Variants in SAMD3 observed in about 807,000 individuals in gnomAD.
SAMD3 encodes the protein sterile alpha motif domain containing 3.
Under a neutral mutation model 58.5 loss-of-function variants are expected in SAMD3, and 63 were observed. The observed-to-expected ratio is 1.08, with a 90% CI of 0.88 to 1.33. The LOEUF (loss-of-function observed/expected upper bound fraction) is 1.33. Ranked by LOEUF, SAMD3 falls within the 40% of genes most tolerant of loss-of-function variation. SAMD3 has a pLI of 0.00. For missense variants in SAMD3, 604 were observed against 608.4 expected (o/e 0.99, Z 0.08); for synonymous variants, 220 against 210.3 (o/e 1.05, Z -0.40).
At chr6:130,185,570 G>A (rs1250499692) in intron 5 of SAMD3, among the ~76,000 whole-genome samples, 1 of 150,592 alleles carries the variant, frequency 6.6e-6, no homozygotes, top group African/African-American at 2.4e-5. Flanking sequence ...CTCGTGATCT[G>A]CCCACCTTGG....
rs535023326 is a variant in SAMD3 at position 130,310,932 on chromosome 6, C to A, written c.-188+2046G>T. ...TTTTCAATGATTAAAACTGAAATCA[C>A]AGCTAATATTCTTTTTCGGGGGATT... On this transcript the variant is annotated intron_variant, in intron 2 of 13. Coordinates refer to the SAMD3 transcript ENST00000368134. 3.9e-5 allele frequency among the ~76,000 whole-genome samples: 6 copies of A among 152,246 alleles called. 1 individual carries two copies. The South Asian group carries it at 1.2e-3, about 32-fold the overall frequency.
chr6:130,160,678 T>C (rs1464869800), intron 8 of SAMD3: 1 of 152,100 alleles, frequency 6.6e-6, no homozygotes, highest in African/African-American at 2.4e-5. Flanking sequence ...GAAGAATAGC[T>C]AGGAAACTTG....
intron 5 of SAMD3, among the ~76,000 whole-genome samples, chr6:130,185,894 G>C (rs141619878): frequency 6.6e-6 from 1 of 152,186 alleles, no homozygotes; most frequent in African/African-American, 2.4e-5. Context: ...GCTTCCCAAA[G>C]TGTCGGGATT....
intron 1 of SAMD3, among the ~76,000 whole-genome samples, chr6:130,346,418 G>A (rs1777453951): frequency 6.6e-6 from 1 of 152,240 alleles, no homozygotes; most frequent in Non-Finnish European, 1.5e-5. Flanking sequence ...CACACCAGGA[G>A]ATTATATCCT....
chr6:130,184,890 A>G (rs541635986), intron 5 of SAMD3, among the ~76,000 whole-genome samples: 1 of 152,374 alleles, frequency 6.6e-6, no homozygotes, highest in Admixed American at 6.5e-5. Flanking sequence ...TGAAGTTGAA[A>G]TGCATACTAA....
At chr6:130,195,526 C>A (rs560368185) in intron 5 of SAMD3, among the ~76,000 whole-genome samples, 1 of 152,300 alleles carries the variant, frequency 6.6e-6, no homozygotes, top group African/African-American at 2.4e-5. Flanking sequence ...TGGTGCCGAA[C>A]CCATATACTC....
chr6:130,331,437 G>A (rs968182900), intron 1 of SAMD3, among the ~76,000 whole-genome samples: 8 of 152,116 alleles, frequency 5.3e-5, no homozygotes, highest in African/African-American at 1.9e-4. Flanking sequence ...AATACATAAA[G>A]TTTGGCTGGG....
chr6:130,341,960 A>G (rs1777289836), intron 1 of SAMD3, among the ~76,000 whole-genome samples: 1 of 152,248 alleles, frequency 6.6e-6, no homozygotes, highest in African/African-American at 2.4e-5. Context: ...GAAAATAAAG[A>G]GTTCCTACAA....
upstream of SAMD3, among the ~76,000 whole-genome samples, chr6:130,227,925 G>A (rs6569667): frequency 0.23 from 34,728 of 152,016 alleles, 8,778 homozygotes; most frequent in African/African-American, 0.63. Context: ...AAATGGAAAC[G>A]AGAGAATTTC....
intron 5 of SAMD3, among the ~76,000 whole-genome samples, chr6:130,207,926 T>A (rs942113663): frequency 1.3e-5 from 2 of 152,180 alleles, no homozygotes; most frequent in African/African-American, 4.8e-5. Context: ...GGGCTGCTCT[T>A]CTCTGCACTC....
At chr6:130,308,429 TATTC>T (rs1225292473) in intron 2 of SAMD3, among the ~76,000 whole-genome samples, 1 of 141,672 alleles carries the variant, frequency 7.1e-6, no homozygotes, top group Non-Finnish European at 1.6e-5. Flanking sequence ...TATTCTATTC[TATTC>T]TATTCTTTTG....
rs145122302 is a variant in SAMD3 at position 130,212,803 on chromosome 6, C to A, written c.269+1534G>T. Among the ~76,000 whole-genome samples the A allele has an allele frequency of 3.2e-3, 485 of 152,318 alleles. 4 individuals carry two copies. The highest frequency in any genetic ancestry group is 9.3e-3 in the African/African-American group (387 of 41,570). On this transcript the variant is annotated intron_variant, in intron 4 of 11. Transcript: ENST00000439090. ...GATTCCACTCAATGGAAGGGAACTT[C>A]CAGCTCAAATGTCCTACTCATCCCA...
At chr6:130,354,079 A>G (rs1777756879) in intron 1 of SAMD3, among the ~76,000 whole-genome samples, 1 of 152,210 alleles carries the variant, frequency 6.6e-6, no homozygotes, top group African/African-American at 2.4e-5. Context: ...AACAAGCTCA[A>G]CATCACTGAT....
chr6:130,248,167 T>C (rs2114905166), intron 2 of SAMD3, among the ~76,000 whole-genome samples: 1 of 141,276 alleles, frequency 7.1e-6, no homozygotes, highest in East Asian at 2.1e-4. Flanking sequence ...CATTTCATTT[T>C]TAAGTGTTTT....
intron 1 of SAMD3, among the ~76,000 whole-genome samples, chr6:130,341,850 G>A (rs1777286157): frequency 6.6e-6 from 1 of 152,178 alleles, no homozygotes. Context: ...GTACCATCAT[G>A]TGTTTTCCAC....
intron 2 of SAMD3, among the ~76,000 whole-genome samples, chr6:130,274,126 C>A (rs7772495): frequency 0.31 from 47,265 of 151,952 alleles, 7,725 homozygotes; most frequent in East Asian, 0.47. Flanking sequence ...CTTTACCTCT[C>A]CATTTCTGAA....
intron 8 of SAMD3, among the ~76,000 whole-genome samples, chr6:130,168,905 C>T (rs1056342242): frequency 2.6e-5 from 4 of 152,128 alleles, no homozygotes; most frequent in South Asian, 2.1e-4. Context: ...CTGGCTCAAG[C>T]GGTTCTCACC....
intron 4 of SAMD3, among the ~76,000 whole-genome samples, chr6:130,212,010 G>A (rs1445473866): frequency 6.6e-6 from 1 of 151,390 alleles, no homozygotes; most frequent in Non-Finnish European, 1.5e-5. Context: ...AAAGGGGTCA[G>A]ACAAATCTCC....
At position 130,149,551 on chromosome 6, in the gene SAMD3, G is replaced by A. The variant is rs1173948314; in HGVS notation, c.1024-3370C>T. On this transcript the variant is annotated intron_variant, in intron 9 of 11. Coordinates refer to ENST00000439090, the MANE Select transcript of SAMD3 (RefSeq NM_001017373.4). ...TAGCCATAAAAAAGAATGAAATCAT[G>A]TCCTTTGCAGCAACATAGGTGTAGC... Among the ~76,000 whole-genome samples the A allele has an allele frequency of 2.0e-5, 3 of 152,186 alleles. No homozygotes were observed. The East Asian group carries it at 5.8e-4, about 29-fold the overall frequency.
Sources: allele counts gnomAD v4.1 joint callset (sites outside exome capture counted in the v4.1 genomes callset), GRCh38; gene constraint gnomAD v4.1.1; transcripts MANE v1.5; gene names NCBI Gene and HGNC (gene_info 2026-07-23, HGNC 2026-07-21).